The following AHNAK variants were observed in gnomAD, a reference collection of about 807,000 sequenced individuals.
AHNAK encodes AHNAK nucleoprotein.
Under a neutral mutation model 37.8 loss-of-function variants are expected in AHNAK, and 23 were observed. The ratio of observed to expected loss-of-function variants is 0.61; its 90% confidence interval spans 0.44 to 0.86. The LOEUF (loss-of-function observed/expected upper bound fraction) is 0.86. AHNAK is among the 40% of genes least tolerant of loss of function. The probability of loss-of-function intolerance (pLI) is 0.00; values close to 1 mark genes in which losing one functional copy is unlikely to be tolerated. For synonymous variants in AHNAK, 2,481 were observed against 2,636.3 expected, an observed-to-expected ratio of 0.94 and a Z score of 1.80; for missense variants, 7,411 against 7,319.4, an observed-to-expected ratio of 1.01 and a Z score of -0.46.
intron 4 of AHNAK, among the ~76,000 whole-genome samples, chr11:62,506,873 T>G (rs1305937039): frequency 1.3e-5 from 2 of 152,088 alleles, no homozygotes; most frequent in Non-Finnish European, 2.9e-5. Context: ...TAAACCCTAC[T>G]CCCTCCTCCC....
chr11:62,434,875 G>A (rs1938124093), intron 5 of AHNAK, among the ~76,000 whole-genome samples: 1 of 143,936 alleles, frequency 6.9e-6, no homozygotes, highest in Non-Finnish European at 1.5e-5. Context: ...AGGTTGCACA[G>A]TGATCCAAGA....
intron 1 of AHNAK, among the ~76,000 whole-genome samples, chr11:62,544,802 C>G (rs1019413408): frequency 6.6e-6 from 1 of 152,158 alleles, no homozygotes; most frequent in South Asian, 2.1e-4. Context: ...AAAGCGAGAT[C>G]TCTACCCTGA....
rs1940543194 is a variant in AHNAK, at chr11:62,527,543, C to T, written c.6874G>A (p.Glu2292Lys). 1.9e-6 allele frequency: 3 copies of T among 1,612,568 alleles called. No homozygotes were observed. The highest frequency in any genetic ancestry group is 2.5e-6 in the Non-Finnish European group (3 of 1,179,616). The change falls in exon 5 of 5, where the codon GAA becomes AAA. Residue 2292 changes from glutamate (E) to lysine (K), a missense_variant. Coordinates refer to ENST00000378024, the MANE Select transcript of AHNAK (RefSeq NM_001620.3). Reference sequence around the variant, plus strand: ...AACTTGGGGCCCTTCAGCTTCCCTTCTGGACCTTCAAGGCTCACATCTGGG... The same window carrying T: ...AACTTGGGGCCCTTCAGCTTCCCTTTTGGACCTTCAAGGCTCACATCTGGG... ...EVPDVSLEGP[E>K]GKLKGPKFKM... is the part of the protein sequence containing the mutation.
chr11:62,454,930 A>AT lies in AHNAK; in HGVS notation c.443-21040dup, dbSNP rs67424324. Among the ~76,000 whole-genome samples the AT allele has an allele frequency of 6.2e-3, 833 of 134,662 alleles. 10 individuals carry two copies. The highest frequency in any genetic ancestry group is 0.019 in the African/African-American group (727 of 38,484). The allele number at this position is 134,662 out of a possible 152,430, so 88.3% of individuals were successfully genotyped here. A position where few individuals can be genotyped will look rare whatever the true frequency, so the allele number is the denominator to read the frequency against. On this transcript the variant is annotated intron_variant, in intron 5 of 5. Transcript: ENST00000257247. ...GATTTGCATTTCTTTTTATTTATTT[A>AT]TTTTTTTTTTTTTTTTGAGATGGAG...
chr11:62,536,899 C>T (rs1269926255), intron 1 of AHNAK, among the ~76,000 whole-genome samples: 2 of 151,964 alleles, frequency 1.3e-5, no homozygotes, highest in African/African-American at 4.8e-5. Context: ...CGGCAGGAGC[C>T]GCTTCACATG....
At position 62,518,289 on chromosome 11, in the gene AHNAK, G is replaced by A. The variant is rs149932027; in HGVS notation, c.16128C>T (p.Val5376=). The change falls in exon 5 of 5, where the codon GTC becomes GTT. Residue 5376 remains valine (V), a synonymous_variant. Coordinates refer to ENST00000378024, the MANE Select transcript of AHNAK (RefSeq NM_001620.3). ...RGPSLQGDLA[V]SGDIKCPKVS... ...CTTTAGGGCATTTGATGTCACCAGA[G>A]ACAGCCAGATCTCCCTGCAGGCTTG... 1.2e-6 allele frequency: 2 copies of A among 1,614,174 alleles called. No homozygotes were observed. Among genetic ancestry groups the A allele is most frequent in the Non-Finnish European group, 1.7e-6 (2 of 1,180,030 alleles).
rs1203850905 is a variant in AHNAK at position 62,524,327 on chromosome 11, C to A, written c.10090G>T (p.Val3364Phe). 1 of 1,613,586 alleles carries A rather than the reference C, an allele frequency of 6.2e-7. No homozygotes were observed. The highest frequency in any genetic ancestry group is 1.7e-5 in the Admixed American group (1 of 59,924). Residue 3364 changes from valine (V) to phenylalanine (F), a missense_variant, in exon 5 of 5, where the codon GTT becomes TTT. By Grantham distance (50) the Val-to-Phe change is conservative (BLOSUM62 -1). Coordinates refer to ENST00000378024, the MANE Select transcript of AHNAK (RefSeq NM_001620.3). The stretch of plus-strand genomic sequence containing the variant: ...TTGACATCCACTTCAGGTGTCTGAA[C>A]TTTAGAGCCCGAAAAATTAAATTTG... ...LPKFNFSGSKVQTPEVDVKGK... is the reference protein window; with the variant it reads ...LPKFNFSGSKFQTPEVDVKGK...
intron 1 of AHNAK, among the ~76,000 whole-genome samples, chr11:62,545,840 T>A (rs1313424716): frequency 1.3e-5 from 2 of 152,070 alleles, no homozygotes; most frequent in South Asian, 2.1e-4. Flanking sequence ...GCGGGGGCCA[T>A]CCCGCCCGGA....
chr11:62,532,148 A>C lies in AHNAK; in HGVS notation c.2269T>G (p.Phe757Val). Residue 757 changes from phenylalanine to valine, a missense_variant, in exon 5 of 5, where the codon TTC (phenylalanine) becomes GTC (valine). By Grantham distance (50) the Phe-to-Val change is conservative (BLOSUM62 -1). Transcript: ENST00000378024. ...TCTGCTTTGAACCCTGGCACACTGA[A>C]TTTGGGCATTTTCATCTTGGGCATC... is the stretch of plus-strand genomic sequence containing the variant. ...LKMPKMKMPK[F>V]SVPGFKAEGP... 6.2e-7 allele frequency: 1 copy of C among 1,613,356 alleles called. No individual in the cohort carries two copies. Among genetic ancestry groups the C allele is most frequent in the Non-Finnish European group, 8.5e-7 (1 of 1,179,828 alleles).
chr11:62,447,903 A>T (rs1190329738), intron 5 of AHNAK, among the ~76,000 whole-genome samples: 2 of 152,100 alleles, frequency 1.3e-5, no homozygotes, highest in African/African-American at 4.8e-5. Context: ...ACAACTAAAA[A>T]ATTCCAAGTT....
At chr11:62,492,174 G>C (rs1181151506) in intron 4 of AHNAK, among the ~76,000 whole-genome samples, 1 of 152,208 alleles carries the variant, frequency 6.6e-6, no homozygotes, top group Non-Finnish European at 1.5e-5. Flanking sequence ...GAAGGAGAGA[G>C]ATAAGGTACA....
At position 62,526,168 on chromosome 11, in the gene AHNAK, A is replaced by T. The variant is rs1375846307; in HGVS notation, c.8249T>A (p.Ile2750Asn). ...ATGAACATCAACATCAGGTGCGTCA[A>T]TGTCCACTTTTGGGCCCTTGATGTC... ...EVDIKGPKVD[I>N]DAPDVDVHGP... Residue 2750 changes from isoleucine (I) to asparagine (N), a missense_variant, in exon 5 of 5, where the codon ATT becomes AAT. By Grantham distance (149) the Ile-to-Asn change is moderately radical. Coordinates refer to ENST00000378024, the MANE Select transcript of AHNAK (RefSeq NM_001620.3). 1 of 1,613,580 alleles carries T rather than the reference A, an allele frequency of 6.2e-7. No homozygotes were observed. Among genetic ancestry groups the T allele is most frequent in the Non-Finnish European group, 8.5e-7 (1 of 1,179,936 alleles).
At position 62,518,534 on chromosome 11, in the gene AHNAK, G is replaced by A; in HGVS notation, c.15883C>T (p.Pro5295Ser). ...TCAAGGTCAGGCCCAGAGACTTTTG[G>A]CATAGAGAGGTTCACTGAAGGCAAG... ...VDLPSVNLSM[P>S]KVSGPDLDLN... Residue 5295 changes from proline (P) to serine (S), a missense_variant, in exon 5 of 5, where the codon CCA becomes TCA. By Grantham distance (74) the Pro-to-Ser change is moderately conservative (BLOSUM62 -1). Transcript: ENST00000378024. 1 of 1,614,072 alleles carries A rather than the reference G, an allele frequency of 6.2e-7. No individual in the cohort carries two copies.
Position 62,533,968 on chromosome 11 carries a change from G to T in AHNAK, c.449C>A (p.Thr150Asn). 6.2e-7 allele frequency: 1 copy of T among 1,613,332 alleles called. No homozygotes were observed. Among genetic ancestry groups the T allele is most frequent in the Non-Finnish European group, 8.5e-7 (1 of 1,179,446 alleles). ...EGDLGETQSRTITVTRRVTAY... is the reference protein window; with the variant it reads ...EGDLGETQSRNITVTRRVTAY... ...CGTGACCCTTCTGGTCACTGTGATG[G>T]TACGGCTCTGGGTCTCCCCGAGGTC... The change falls in exon 5 of 5, where the codon ACC becomes AAC. Residue 150 changes from threonine to asparagine, a missense_variant. Transcript: ENST00000378024.
chr11:62,517,375 T>A lies in AHNAK; in HGVS notation c.17042A>T (p.Asp5681Val), dbSNP rs768924801. 6.2e-7 allele frequency: 1 copy of A among 1,614,174 alleles called. No individual in the cohort carries two copies. Residue 5681 changes from aspartate to valine, a missense_variant, in exon 5 of 5, where the codon GAT (aspartate) becomes GTT (valine). Physicochemically the swap from Asp to Val is radical, Grantham distance 152 (BLOSUM62 -3). Transcript: ENST00000378024. Reference protein sequence around the residue: ...RELVGREMGVDVHFPKAEASI... With the variant: ...RELVGREMGVVVHFPKAEASI... ...GGCCTCTGCTTTAGGGAAGTGAACA[T>A]CCACCCCCATTTCTCTGCCAACCAG...
chr11:62,448,152 G>C (rs993922002), intron 5 of AHNAK, among the ~76,000 whole-genome samples: 1 of 152,152 alleles, frequency 6.6e-6, no homozygotes, highest in African/African-American at 2.4e-5. Context: ...CCAAAAGGAA[G>C]CCAGTGAGGC....
chr11:62,543,223 G>A (rs1418524292), intron 1 of AHNAK, among the ~76,000 whole-genome samples: 4 of 152,182 alleles, frequency 2.6e-5, no homozygotes, highest in African/African-American at 4.8e-5. Flanking sequence ...CTGCGCGTGC[G>A]GACATGTCCA....
At chr11:62,449,559 G>A (rs1026727394) in intron 5 of AHNAK, among the ~76,000 whole-genome samples, 61 of 152,284 alleles carry the variant, frequency 4.0e-4, no homozygotes, top group African/African-American at 1.5e-3. Context: ...GCAGAGGCTG[G>A]TAGTGCACCC....
chr11:62,543,153 T>C (rs1212216751), intron 1 of AHNAK, among the ~76,000 whole-genome samples: 1 of 152,078 alleles, frequency 6.6e-6, no homozygotes, highest in African/African-American at 2.4e-5. Flanking sequence ...CTTAGCCTGC[T>C]CAGCTGGGGC....
Sources: gnomAD v4.1 joint callset for allele counts (sites outside exome capture counted in the v4.1 genomes callset) on GRCh38, gnomAD v4.1.1 for gene constraint, MANE v1.5 for transcripts, NCBI Gene and HGNC (gene_info 2026-07-23, HGNC 2026-07-21) for gene names.